Variants in NCOA2 observed in about 807,000 individuals in gnomAD.
The protein encoded by NCOA2 is nuclear receptor coactivator 2.
NCOA2 carries 21 observed loss-of-function variants against 145.1 expected under a neutral mutation model. The ratio of observed to expected loss-of-function variants is 0.14; its 90% CI spans 0.10 to 0.21. The LOEUF (loss-of-function observed/expected upper bound fraction) is 0.21, where lower values mean the gene tolerates loss of function less well. Among genes scored for constraint, NCOA2 ranks in the 10% least tolerant of loss-of-function variants. NCOA2 has a pLI of 1.00. For synonymous variants in NCOA2, 619 were observed against 637.5 expected, an observed-to-expected ratio of 0.97 and a Z score of 0.44; for missense variants, 1,472 against 1,837.6, an observed-to-expected ratio of 0.80 and a Z score of 3.64.
intron 1 of NCOA2, among the ~76,000 whole-genome samples, chr8:70,396,928 G>A (rs563180767): frequency 6.6e-6 from 1 of 152,178 alleles, no homozygotes; most frequent in African/African-American, 2.4e-5. Flanking sequence ...CCCACTTAGT[G>A]GCAAAGTTAA....
intron 2 of NCOA2, among the ~76,000 whole-genome samples, chr8:70,246,201 T>C (rs182881309): frequency 1.3e-5 from 2 of 152,168 alleles, no homozygotes; most frequent in East Asian, 1.9e-4. Context: ...TAGTAACAAG[T>C]AGAAGCACCA....
At chr8:70,385,985 G>C in intron 1 of NCOA2, among the ~76,000 whole-genome samples, 1 of 152,168 alleles carries the variant, frequency 6.6e-6, no homozygotes, top group Non-Finnish European at 1.5e-5. Flanking sequence ...CTGCTATTGA[G>C]AAATTTCTTA....
chr8:70,335,153 A>AAAAAT (rs1563776041), intron 1 of NCOA2, among the ~76,000 whole-genome samples: 1 of 131,638 alleles, frequency 7.6e-6, no homozygotes, highest in African/African-American at 3.1e-5. Flanking sequence ...AAAAAAAAAA[A>AAAAAT]GATCTCTCCC....
intron 22 of NCOA2, among the ~76,000 whole-genome samples, chr8:70,119,732 C>A (rs1403023404): frequency 6.6e-6 from 1 of 152,092 alleles, no homozygotes; most frequent in Admixed American, 6.6e-5. Context: ...TTAATAATAG[C>A]CATTCTGACT....
chr8:70,353,953 T>C (rs1456615096), intron 1 of NCOA2, among the ~76,000 whole-genome samples: 3 of 152,210 alleles, frequency 2.0e-5, no homozygotes, highest in African/African-American at 7.2e-5. Context: ...GTTCCATTTT[T>C]AATCTCCCTA....
At chr8:70,279,275 C>CT (rs1423329239) in intron 2 of NCOA2, among the ~76,000 whole-genome samples, 1 of 152,070 alleles carries the variant, frequency 6.6e-6, no homozygotes, top group Non-Finnish European at 1.5e-5. Flanking sequence ...TATTTCCTAC[C>CT]TTTTTTTCAA....
chr8:70,160,676 AGAGAGG>A (rs1189543827), intron 9 of NCOA2, among the ~76,000 whole-genome samples: 19 of 144,550 alleles, frequency 1.3e-4, no homozygotes, highest in African/African-American at 5.3e-4. Context: ...AGAGAGAGAG[AGAGAGG>A]GAGAGAGAGA....
At chr8:70,115,952 C>T (rs966705701) in intron 22 of NCOA2, among the ~76,000 whole-genome samples, 4 of 151,744 alleles carry the variant, frequency 2.6e-5, no homozygotes, top group South Asian at 2.1e-4. Flanking sequence ...TTTGGGAGGC[C>T]GAGGCAGGCA....
chr8:70,289,255 T>C (rs1160518223), intron 2 of NCOA2, among the ~76,000 whole-genome samples: 1 of 152,228 alleles, frequency 6.6e-6, no homozygotes, highest in African/African-American at 2.4e-5. Flanking sequence ...TGACAAAGAA[T>C]TGAAAAGTTG....
intron 1 of NCOA2, among the ~76,000 whole-genome samples, chr8:70,312,556 T>C (rs185671821): frequency 1.8e-4 from 28 of 151,948 alleles, no homozygotes; most frequent in African/African-American, 6.3e-4. Flanking sequence ...TAAAGCACTT[T>C]TGTTCCAATG....
intron 4 of NCOA2, among the ~76,000 whole-genome samples, chr8:70,213,351 A>G (rs956607242): frequency 6.6e-6 from 1 of 152,170 alleles, no homozygotes; most frequent in Non-Finnish European, 1.5e-5. Context: ...AAAAAAGAAA[A>G]CCATAGGAAG....
At chr8:70,116,186 TA>T (rs71558579) in intron 22 of NCOA2, among the ~76,000 whole-genome samples, 2,686 of 80,662 alleles carry the variant, frequency 0.033, 46 homozygotes, top group Middle Eastern at 0.16. Context: ...GACTCTGTCT[TA>T]AAAAAAAAAA....
At chr8:70,397,983 A>G (rs1386822714) in intron 1 of NCOA2, among the ~76,000 whole-genome samples, 1 of 152,102 alleles carries the variant, frequency 6.6e-6, no homozygotes, top group African/African-American at 2.4e-5. Flanking sequence ...CCACCTCCCC[A>G]ACCAAAAAAA....
intron 2 of NCOA2, among the ~76,000 whole-genome samples, chr8:70,281,842 T>C (rs1349584434): frequency 1.3e-5 from 2 of 152,194 alleles, no homozygotes; most frequent in East Asian, 3.8e-4. Flanking sequence ...TTAATCAGAA[T>C]ACTCATGAGA....
At chr8:70,408,005 A>ACCCCCTCTATTCATACCTCCCTTATTTCT (rs766358262), upstream of NCOA2, among the ~76,000 whole-genome samples, 6 of 152,006 alleles carry the variant, frequency 3.9e-5, no homozygotes, top group South Asian at 2.1e-4. Context: ...TCTTTGATAT[A>ACCCCCTCTATTCATACCTCCCTTATTTCT]CCCCCTCTAT....
chr8:70,394,477 T>A (rs540952941), intron 1 of NCOA2, among the ~76,000 whole-genome samples: 1 of 152,310 alleles, frequency 6.6e-6, no homozygotes, highest in Non-Finnish European at 1.5e-5. Context: ...TGAAATGAAA[T>A]AAATATTTTT....
chr8:70,405,364 A>C (rs1814719856), upstream of NCOA2, among the ~76,000 whole-genome samples: 1 of 143,460 alleles, frequency 7.0e-6, no homozygotes, highest in African/African-American at 2.6e-5. Flanking sequence ...AGGCACTTCC[A>C]CTTTTTATTT....
At chr8:70,442,035 AAGAG>A in the NCOA2 span, among the ~76,000 whole-genome samples, 9 of 149,138 alleles carry the variant, frequency 6.0e-5, no homozygotes, top group East Asian at 5.8e-4. Flanking sequence ...AGAGAAAAGA[AAGAG>A]AAAGAGAAGA....
At chr8:70,416,029 T>C in the NCOA2 span, among the ~76,000 whole-genome samples, 1 of 152,126 alleles carries the variant, frequency 6.6e-6, no homozygotes, top group Non-Finnish European at 1.5e-5. Flanking sequence ...AATAAAGAGA[T>C]TAATTTTAAG....
Sources: gnomAD v4.1 joint callset for allele counts (sites outside exome capture counted in the v4.1 genomes callset) on GRCh38, gnomAD v4.1.1 for gene constraint, MANE v1.5 for transcripts, NCBI Gene and HGNC (gene_info 2026-07-23, HGNC 2026-07-21) for gene names.